Variants in YEATS4 observed in about 807,000 individuals in gnomAD.
The protein encoded by YEATS4 is YEATS domain-containing protein 4.
In YEATS4, 17 loss-of-function variants were observed where a neutral mutation model predicts 30.1. That is an observed-to-expected ratio of 0.56 (90% CI 0.39 to 0.85). The LOEUF is 0.85. Among genes scored for constraint, YEATS4 ranks in the 40% least tolerant of loss-of-function variants. The pLI, the probability that YEATS4 is intolerant of heterozygous loss-of-function variation, is 0.00. For missense variants in YEATS4, 142 were observed against 268.3 expected (o/e 0.53, Z 3.29); for synonymous variants, 85 against 87.5 (o/e 0.97, Z 0.16).
At chr12:69,382,076 TA>T (rs148850422) in intron 6 of YEATS4, among the ~76,000 whole-genome samples, 19,186 of 152,178 alleles carry the variant, frequency 0.13, 1,536 homozygotes, top group Non-Finnish European at 0.18. Flanking sequence ...AATGATAAAT[TA>T]TCTTCCCTAC....
At chr12:69,373,592 G>C (rs959862348) in intron 6 of YEATS4, among the ~76,000 whole-genome samples, 1 of 151,614 alleles carries the variant, frequency 6.6e-6, no homozygotes, top group Non-Finnish European at 1.5e-5. Flanking sequence ...TCTTCACTTT[G>C]TTGTTTCCTT....
chr12:69,407,177 A>G, the YEATS4 span, among the ~76,000 whole-genome samples: 3 of 151,730 alleles, frequency 2.0e-5, no homozygotes, highest in East Asian at 3.9e-4. Flanking sequence ...AATGATTGAG[A>G]ATAGGAACGG....
At chr12:69,392,858 G>A (rs564290188), downstream of YEATS4, among the ~76,000 whole-genome samples, 1 of 152,256 alleles carries the variant, frequency 6.6e-6, no homozygotes, top group African/African-American at 2.4e-5. Context: ...TGTTGCTCAT[G>A]CCTAAATACT....
chr12:69,396,557 G>A, the YEATS4 span, among the ~76,000 whole-genome samples: 1 of 152,024 alleles, frequency 6.6e-6, no homozygotes, highest in African/African-American at 2.4e-5. Flanking sequence ...GCTCATTCTG[G>A]TTAAATCATG....
the YEATS4 span, among the ~76,000 whole-genome samples, chr12:69,405,746 C>G: frequency 1.3e-5 from 2 of 152,290 alleles, no homozygotes. Context: ...TTCCATCCTG[C>G]TACTCAGAAC....
chr12:69,369,209 A>G (rs1384278822), intron 4 of YEATS4, among the ~76,000 whole-genome samples: 1 of 152,204 alleles, frequency 6.6e-6, no homozygotes, highest in Non-Finnish European at 1.5e-5. Context: ...CATCTCATAT[A>G]TTTAAATCCC....
intron 6 of YEATS4, among the ~76,000 whole-genome samples, chr12:69,381,320 A>G (rs182538864): frequency 1.6e-3 from 243 of 152,344 alleles, no homozygotes; most frequent in Middle Eastern, 3.4e-3. Context: ...AAGAAGAGAA[A>G]TATGGCTCTG....
chr12:69,407,451 A>T, the YEATS4 span, among the ~76,000 whole-genome samples: 1 of 152,164 alleles, frequency 6.6e-6, no homozygotes, highest in East Asian at 1.9e-4. Flanking sequence ...GACACTTTTG[A>T]TCTAGAATTC....
At position 69,362,895 on chromosome 12, in the gene YEATS4, A is replaced by G. The variant is rs374246466; in HGVS notation, c.159A>G (p.Pro53=). Residue 53 remains proline (P), a synonymous_variant, in exon 2 of 7, where the codon CCA becomes CCG. Coordinates refer to ENST00000247843, the MANE Select transcript of YEATS4 (RefSeq NM_006530.4). ...ATCAGTGGACAGTATATGTGAAACCATATAGAAATGAGGTAGGCACTCGTT... is the reference window on the plus strand; with the variant it reads ...ATCAGTGGACAGTATATGTGAAACCGTATAGAAATGAGGTAGGCACTCGTT... ...HTHQWTVYVK[P]YRNEDMSAYV... The G allele has an allele frequency of 1.3e-6, 2 of 1,570,548 alleles. No individual in the cohort carries two copies. The highest frequency in any genetic ancestry group is 2.3e-5 in the East Asian group (1 of 42,732).
chr12:69,386,173 G>A (rs771075506), intron 6 of YEATS4, among the ~76,000 whole-genome samples: 3 of 152,116 alleles, frequency 2.0e-5, no homozygotes, highest in African/African-American at 4.8e-5. Context: ...TTTTCCCCCA[G>A]GATCTCATTG....
intron 1 of YEATS4, chr12:69,361,369 T>TCAAGCGATTCTCCTGCCTC (rs1462982027): frequency 2.0e-5 from 3 of 152,112 alleles, no homozygotes; most frequent in African/African-American, 4.8e-5. Flanking sequence ...CCTCCTGGAT[T>TCAAGCGATTCTCCTGCCTC]CAAGCGATTC....
the YEATS4 span, among the ~76,000 whole-genome samples, chr12:69,408,536 G>C: frequency 6.6e-6 from 1 of 152,188 alleles, no homozygotes; most frequent in African/African-American, 2.4e-5. Context: ...ATGTTGCCAG[G>C]TTGCCCTGTG....
the YEATS4 span, among the ~76,000 whole-genome samples, chr12:69,404,618 C>T: frequency 1.3e-5 from 2 of 152,198 alleles, no homozygotes; most frequent in African/African-American, 4.8e-5. Flanking sequence ...TACCCTGGGA[C>T]TTCCCAGCCT....
the YEATS4 span, among the ~76,000 whole-genome samples, chr12:69,406,108 C>T: frequency 6.6e-6 from 1 of 152,160 alleles, no homozygotes; most frequent in Non-Finnish European, 1.5e-5. Context: ...ACCATCTTTG[C>T]ATATGTATGC....
the YEATS4 span, among the ~76,000 whole-genome samples, chr12:69,400,697 TAA>T: frequency 3.7e-5 from 5 of 135,156 alleles, no homozygotes; most frequent in African/African-American, 5.4e-5. Flanking sequence ...TTAAAAAGTT[TAA>T]AAAAAAAAAA....
chr12:69,363,649 T>C (rs6581889), intron 2 of YEATS4, among the ~76,000 whole-genome samples: 61,054 of 152,044 alleles, frequency 0.4, 12,566 homozygotes, highest in Non-Finnish European at 0.46. Context: ...CTTCAATGCC[T>C]GGAACATAGC....
At chr12:69,424,287 GA>G in the YEATS4 span, among the ~76,000 whole-genome samples, 1 of 152,084 alleles carries the variant, frequency 6.6e-6, no homozygotes, top group Non-Finnish European at 1.5e-5. Flanking sequence ...TTGAGGGAGC[GA>G]AAGATCCTAA....
the YEATS4 span, among the ~76,000 whole-genome samples, chr12:69,413,498 G>A: frequency 4.0e-4 from 59 of 146,488 alleles, no homozygotes; most frequent in East Asian, 9.0e-3. Flanking sequence ...AGCTTGCAGT[G>A]GGGTCTTCAA....
At chr12:69,377,741 C>G (rs1410360020) in intron 6 of YEATS4, among the ~76,000 whole-genome samples, 1 of 152,006 alleles carries the variant, frequency 6.6e-6, no homozygotes, top group African/African-American at 2.4e-5. Context: ...TGTTTTATGA[C>G]TTGTTTTGTG....
Sources: gnomAD v4.1 joint callset for allele counts (sites outside exome capture counted in the v4.1 genomes callset) on GRCh38, gnomAD v4.1.1 for gene constraint, MANE v1.5 for transcripts, NCBI Gene and HGNC (gene_info 2026-07-23, HGNC 2026-07-21) for gene names.